The following NKAIN2 variants were observed in gnomAD, a reference collection of about 807,000 sequenced individuals.
NKAIN2 encodes sodium/potassium-transporting ATPase subunit beta-1-interacting protein 2.
A neutral mutation model predicts 32.6 loss-of-function variants in NKAIN2; 14 were observed. The observed-to-expected ratio is 0.43, with a 90% confidence interval of 0.28 to 0.67. The LOEUF (loss-of-function observed/expected upper bound fraction) is 0.67. NKAIN2 is among the 30% of genes least tolerant of loss of function. The pLI is 0.17. For synonymous variants in NKAIN2, 80 were observed against 87.2 expected, an observed-to-expected ratio of 0.92 and a Z score of 0.46; for missense variants, 198 against 258.3, an observed-to-expected ratio of 0.77 and a Z score of 1.60.
chr6:124,762,132 T>A (rs1778296760), intron 4 of NKAIN2, among the ~76,000 whole-genome samples: 1 of 152,168 alleles, frequency 6.6e-6, no homozygotes, highest in African/African-American at 2.4e-5. Context: ...AGATATTTAT[T>A]TTCTCATAGT....
At chr6:124,806,489 C>G (rs971936732) in intron 5 of NKAIN2, among the ~76,000 whole-genome samples, 1 of 151,958 alleles carries the variant, frequency 6.6e-6, no homozygotes, top group Non-Finnish European at 1.5e-5. Flanking sequence ...CTGAAGGAAA[C>G]ACTAAACATG....
chr6:124,810,346 A>G (rs937891698), intron 5 of NKAIN2, among the ~76,000 whole-genome samples: 27 of 152,220 alleles, frequency 1.8e-4, no homozygotes, highest in South Asian at 6.2e-4. Flanking sequence ...ACATGGATGA[A>G]ATTGGAAATC....
chr6:124,358,769 T>G (rs1393344208), intron 3 of NKAIN2, among the ~76,000 whole-genome samples: 2 of 151,522 alleles, frequency 1.3e-5, no homozygotes, highest in Non-Finnish European at 3.0e-5. Flanking sequence ...AGAAGCTCTT[T>G]AGTTTAATTA....
At chr6:124,057,141 C>A (rs1782692991) in intron 1 of NKAIN2, among the ~76,000 whole-genome samples, 1 of 151,982 alleles carries the variant, frequency 6.6e-6, no homozygotes, top group African/African-American at 2.4e-5. Flanking sequence ...TATAGGCACC[C>A]TTTATAGCTA....
intron 4 of NKAIN2, among the ~76,000 whole-genome samples, chr6:124,698,229 A>T (rs886851859): frequency 6.6e-6 from 1 of 152,174 alleles, no homozygotes; most frequent in Admixed American, 6.6e-5. Flanking sequence ...GGGTTGTGCT[A>T]TGAAAAAGCA....
intron 1 of NKAIN2, among the ~76,000 whole-genome samples, chr6:123,857,729 C>A (rs1420227752): frequency 1.3e-5 from 2 of 150,652 alleles, no homozygotes; most frequent in Non-Finnish European, 3.0e-5. Flanking sequence ...TAACTGATTT[C>A]TTAGGAAAAA....
chr6:124,313,788 G>T (rs1796821109), intron 2 of NKAIN2, among the ~76,000 whole-genome samples: 1 of 152,046 alleles, frequency 6.6e-6, no homozygotes, highest in Non-Finnish European at 1.5e-5. Flanking sequence ...TCTTTCAATA[G>T]CCTCATGATG....
At chr6:124,562,580 A>G (rs1021477849) in intron 3 of NKAIN2, among the ~76,000 whole-genome samples, 21 of 152,232 alleles carry the variant, frequency 1.4e-4, no homozygotes, top group African/African-American at 5.1e-4. Flanking sequence ...TACCATATTA[A>G]AAATTAAAAC....
At chr6:124,207,259 T>G (rs1406594613) in intron 1 of NKAIN2, among the ~76,000 whole-genome samples, 1 of 151,444 alleles carries the variant, frequency 6.6e-6, no homozygotes, top group Non-Finnish European at 1.5e-5. Context: ...ACCACTGTAC[T>G]CCAGCCTGGG....
intron 1 of NKAIN2, among the ~76,000 whole-genome samples, chr6:123,965,935 A>G (rs191004369): frequency 6.6e-6 from 1 of 152,254 alleles, no homozygotes; most frequent in East Asian, 1.9e-4. Flanking sequence ...GTTAGCACAC[A>G]TTATTGGGAG....
At chr6:123,978,829 G>A (rs77271480) in intron 1 of NKAIN2, among the ~76,000 whole-genome samples, 2,153 of 152,162 alleles carry the variant, frequency 0.014, 47 homozygotes, top group African/African-American at 0.049. Context: ...TTTATCAGGC[G>A]AATTAGCTTC....
intron 1 of NKAIN2, among the ~76,000 whole-genome samples, chr6:123,923,685 G>T: frequency 6.7e-6 from 1 of 149,598 alleles, no homozygotes; most frequent in Non-Finnish European, 1.5e-5. Flanking sequence ...GTAAACTATC[G>T]CAAGAACAAA....
chr6:124,304,635 G>A (rs1219944291), intron 2 of NKAIN2, among the ~76,000 whole-genome samples: 1 of 152,124 alleles, frequency 6.6e-6, no homozygotes, highest in African/African-American at 2.4e-5. Flanking sequence ...TCTATAATTG[G>A]CCAGGCGTGG....
At chr6:123,830,578 G>A (rs1774338612) in intron 1 of NKAIN2, among the ~76,000 whole-genome samples, 1 of 152,160 alleles carries the variant, frequency 6.6e-6, no homozygotes, top group Non-Finnish European at 1.5e-5. Context: ...AGTAAAATAA[G>A]TTTCACTTTC....
intron 1 of NKAIN2, among the ~76,000 whole-genome samples, chr6:123,876,756 A>T (rs1017562732): frequency 6.6e-6 from 1 of 152,196 alleles, no homozygotes; most frequent in Non-Finnish European, 1.5e-5. Flanking sequence ...GCCCACCCAC[A>T]TTGGGGAGGG....
intron 2 of NKAIN2, among the ~76,000 whole-genome samples, chr6:124,334,608 G>C (rs144418060): frequency 3.0e-4 from 46 of 152,260 alleles, no homozygotes; most frequent in Non-Finnish European, 5.3e-4. Context: ...GGCACCAGCT[G>C]ATCCAACCAG....
intron 3 of NKAIN2, among the ~76,000 whole-genome samples, chr6:124,416,175 A>G (rs1774478477): frequency 6.6e-6 from 1 of 152,172 alleles, no homozygotes; most frequent in Admixed American, 6.5e-5. Context: ...GTATTCCCAA[A>G]GAATTGCATG....
Position 123,850,680 on chromosome 6 carries a change from G to A in NKAIN2, c.54+46426G>A, listed in dbSNP as rs376730680. On this transcript the variant is annotated intron_variant, in intron 1 of 6. Coordinates refer to ENST00000368417, the MANE Select transcript of NKAIN2 (RefSeq NM_001040214.3). ...ACAACTTATTTTGAAATATGCAGTT[G>A]CTAAATTGAGCGAATGAACGTATGC... 9.9e-5 allele frequency among the ~76,000 whole-genome samples: 15 copies of A among 152,244 alleles called. No homozygotes were observed. In the South Asian group the frequency reaches 2.5e-3, roughly 25 times the overall value.
chr6:124,732,682 T>C (rs572404404), intron 4 of NKAIN2, among the ~76,000 whole-genome samples: 1 of 152,176 alleles, frequency 6.6e-6, no homozygotes, highest in Non-Finnish European at 1.5e-5. Context: ...GGTTGTGATA[T>C]TTTAGGATTG....
Sources: gnomAD v4.1 joint callset for allele counts (sites outside exome capture counted in the v4.1 genomes callset) on GRCh38, gnomAD v4.1.1 for gene constraint, MANE v1.5 for transcripts, NCBI Gene and HGNC (gene_info 2026-07-23, HGNC 2026-07-21) for gene names.